Variants in MDGA2 observed in about 807,000 individuals in gnomAD.
MDGA2 encodes the protein MAM domain containing glycosylphosphatidylinositol anchor 2, also known as MAM domain-containing glycosylphosphatidylinositol anchor protein 2.
Under a neutral mutation model 117.8 loss-of-function variants are expected in MDGA2, and 40 were observed. The ratio of observed to expected loss-of-function variants is 0.34; its 90% CI spans 0.26 to 0.44. The LOEUF is 0.44. Among genes scored for constraint, MDGA2 ranks in the 20% least tolerant of loss-of-function variants. The pLI is 1.00. For missense variants in MDGA2, 1,123 were observed against 1,250.6 expected (o/e 0.90, Z 1.54); for synonymous variants, 452 against 439.0 (o/e 1.03, Z -0.37).
intron 13 of MDGA2, 100 bp from the exon 14 acceptor site, chr14:46,873,691 T>A (rs1882105969): frequency 9.2e-7 from 1 of 1,090,622 alleles, no homozygotes; most frequent in Admixed American, 2.9e-5. Context: ...AAAATAAAGA[T>A]GGATAGGAAG....
At chr14:47,639,324 T>C (rs915893510) in intron 1 of MDGA2, among the ~76,000 whole-genome samples, 1 of 152,184 alleles carries the variant, frequency 6.6e-6, no homozygotes, top group Non-Finnish European at 1.5e-5. Context: ...ACTACCGCCT[T>C]ACCATGCCTC....
At chr14:47,206,453 T>C (rs1885687753) in intron 3 of MDGA2, among the ~76,000 whole-genome samples, 2 of 151,624 alleles carry the variant, frequency 1.3e-5, no homozygotes, top group African/African-American at 4.8e-5. Context: ...TAGCCTGGCA[T>C]GTTGGCACCT....
In MDGA2 at chr14:47,008,182, T is replaced by C. The variant is rs563653005; in HGVS notation, c.1819+26829A>G. 8.6e-5 allele frequency among the ~76,000 whole-genome samples: 13 copies of C among 152,004 alleles called. No homozygotes were observed. In the South Asian group the frequency reaches 2.3e-3, roughly 27 times the overall value. On this transcript the variant is annotated intron_variant, in intron 8 of 16. Coordinates refer to ENST00000399232, the MANE Select transcript of MDGA2 (RefSeq NM_001113498.3). ...CCAGGGGACCTATGTTTTAGAAATGTGTATGTTAGAGAAACAAAAAACGTT... is the reference window on the plus strand; with the variant it reads ...CCAGGGGACCTATGTTTTAGAAATGCGTATGTTAGAGAAACAAAAAACGTT...
chr14:46,994,909 C>T (rs1887230960), intron 8 of MDGA2, among the ~76,000 whole-genome samples: 1 of 152,080 alleles, frequency 6.6e-6, no homozygotes, highest in Admixed American at 6.6e-5. Context: ...AATCAGTTTT[C>T]TGAAGACATC....
intron 6 of MDGA2, among the ~76,000 whole-genome samples, chr14:47,066,271 C>G (rs921739827): frequency 6.6e-6 from 1 of 152,126 alleles, no homozygotes; most frequent in Non-Finnish European, 1.5e-5. Context: ...GTACTTAATA[C>G]TCTTTATTGA....
At chr14:47,572,228 G>A (rs1896034470) in intron 1 of MDGA2, among the ~76,000 whole-genome samples, 1 of 152,156 alleles carries the variant, frequency 6.6e-6, no homozygotes, top group Non-Finnish European at 1.5e-5. Context: ...AGGTATGTGC[G>A]TGTACAGTGA....
chr14:46,957,448 T>C lies in MDGA2; in HGVS notation c.2015A>G (p.Asn672Ser), dbSNP rs199900722. ...ACAGTTATAAACCCCATAGTTTTCA[T>C]TGGAAAGACTCTTCACAGCGTACTC... ...YTEYAVKSLS[N>S]ENYGVYNCSI... Residue 672 changes from asparagine (N) to serine (S), a missense_variant, in exon 9 of 17, where the codon AAT becomes AGT. By Grantham distance (46) the Asn-to-Ser change is conservative. This residue lies in a region of MDGA2 where 890 missense variants were observed against 1,050.3 expected (regional missense o/e 0.85). Transcript: ENST00000399232. 566 of 1,614,154 alleles carry C rather than the reference T, an allele frequency of 3.5e-4. No individual in the cohort carries two copies. Among genetic ancestry groups the C allele is most frequent in the Non-Finnish European group, 4.5e-4 (535 of 1,180,014 alleles).
chr14:47,523,882 GGT>G (rs1369534493), intron 1 of MDGA2, among the ~76,000 whole-genome samples: 1 of 152,166 alleles, frequency 6.6e-6, no homozygotes, highest in Non-Finnish European at 1.5e-5. Flanking sequence ...CAAGTTGAAA[GGT>G]GTATCAAATG....
intron 8 of MDGA2, among the ~76,000 whole-genome samples, chr14:46,983,018 G>C (rs912724109): frequency 4.6e-5 from 7 of 151,944 alleles, no homozygotes; most frequent in Admixed American, 6.6e-5. Flanking sequence ...TAGCATGAAG[G>C]GTTGTTGAAT....
At chr14:47,353,241 T>C (rs1446439548) in intron 1 of MDGA2, among the ~76,000 whole-genome samples, 1 of 152,192 alleles carries the variant, frequency 6.6e-6, no homozygotes, top group East Asian at 1.9e-4. Flanking sequence ...CTTTTACTAT[T>C]ACAATGAGCA....
intron 8 of MDGA2, among the ~76,000 whole-genome samples, chr14:46,975,377 A>G (rs111555989): frequency 2.5e-4 from 38 of 152,232 alleles, no homozygotes; most frequent in African/African-American, 8.4e-4. Flanking sequence ...AGTCTCAAAG[A>G]TATATTTGTA....
intron 1 of MDGA2, among the ~76,000 whole-genome samples, chr14:47,614,099 T>C (rs1896904689): frequency 1.4e-5 from 2 of 146,180 alleles, no homozygotes; most frequent in Admixed American, 6.7e-5. Context: ...TTTTTTCTTT[T>C]TTTTTTTTTT....
chr14:47,086,973 A>T (rs1302174781), intron 6 of MDGA2, among the ~76,000 whole-genome samples: 1 of 152,190 alleles, frequency 6.6e-6, no homozygotes, highest in African/African-American at 2.4e-5. Context: ...CTTTTCCCTT[A>T]TAGCAACTGA....
chr14:46,993,423 C>A (rs1214239427), intron 8 of MDGA2, among the ~76,000 whole-genome samples: 1 of 151,576 alleles, frequency 6.6e-6, no homozygotes, highest in Non-Finnish European at 1.5e-5. Context: ...ACTTATTATA[C>A]ATTTTACAAA....
intron 3 of MDGA2, among the ~76,000 whole-genome samples, chr14:47,209,467 T>A (rs1885805444): frequency 6.6e-6 from 1 of 152,150 alleles, no homozygotes; most frequent in Non-Finnish European, 1.5e-5. Flanking sequence ...ATTCTGATGA[T>A]GTATTTGTGA....
chr14:47,665,453 G>A (rs761445593), intron 1 of MDGA2, among the ~76,000 whole-genome samples: 12 of 152,156 alleles, frequency 7.9e-5, no homozygotes, highest in Admixed American at 2.6e-4. Flanking sequence ...CCTTCAGTCC[G>A]CCGCTGCACC....
intron 3 of MDGA2, among the ~76,000 whole-genome samples, chr14:47,151,274 T>C (rs1400486034): frequency 1.3e-5 from 2 of 152,194 alleles, no homozygotes; most frequent in Non-Finnish European, 2.9e-5. Flanking sequence ...AGAGTTTTCC[T>C]ACAAAGGAGA....
rs554862047 is a variant in MDGA2 at position 47,638,894 on chromosome 14, C to T, written c.280+35623G>A. Among the ~76,000 whole-genome samples, 36 of 152,306 alleles carry T rather than the reference C, an allele frequency of 2.4e-4. No individual in the cohort carries two copies. In the South Asian group the frequency reaches 7.0e-3, roughly 30 times the overall value. On this transcript the variant is annotated intron_variant, in intron 1 of 16. Transcript: ENST00000399232. ...ACACAACTGGGCCCTGGTTACCTCTCTGGTCTCACCTTCTATTACTTTCTC... is the reference window on the plus strand; with the variant it reads ...ACACAACTGGGCCCTGGTTACCTCTTTGGTCTCACCTTCTATTACTTTCTC...
chr14:47,335,734 T>TTATATATATAATATATATATA (rs1890426465), intron 1 of MDGA2, among the ~76,000 whole-genome samples: 1 of 48,038 alleles, frequency 2.1e-5, no homozygotes, highest in African/African-American at 7.4e-5. Flanking sequence ...CACATATATT[T>TTATATATATAATATATATATA]TATATATATA....
Sources: gnomAD v4.1 joint callset for allele counts (sites outside exome capture counted in the v4.1 genomes callset) on GRCh38, gnomAD v4.1.1 for gene constraint, gnomAD v4.1.1 regional missense constraint, MANE v1.5 for transcripts, NCBI Gene and HGNC (gene_info 2026-07-23, HGNC 2026-07-21) for gene names.